The following TMEM67 variants were observed in gnomAD, a reference collection of about 807,000 sequenced individuals.
TMEM67 encodes the protein transmembrane protein 67, also known as meckelin.
Under a neutral mutation model 136.6 loss-of-function variants are expected in TMEM67, and 124 were observed. That is an observed-to-expected ratio of 0.91 (90% CI 0.78 to 1.05). The LOEUF (loss-of-function observed/expected upper bound fraction) is 1.05, where lower values mean the gene tolerates loss of function less well. Ranked by LOEUF, TMEM67 falls within the 50% of genes least tolerant of loss-of-function variation. The pLI is 0.00. For synonymous variants in TMEM67, 364 were observed against 390.5 expected, an observed-to-expected ratio of 0.93 and a Z score of 0.80; for missense variants, 1,107 against 1,178.4, an observed-to-expected ratio of 0.94 and a Z score of 0.89.
At chr8:93,811,158 C>T (rs1808683430) in intron 26 of TMEM67, 1 of 152,152 alleles carries the variant, frequency 6.6e-6, no homozygotes, top group South Asian at 2.1e-4. Context: ...GGTGGTACTG[C>T]CACAGAAGTC....
chr8:93,758,524 T>C lies in TMEM67; in HGVS notation c.354T>C (p.Pro118=). The change falls in exon 3 of 28, where the codon CCT becomes CCC. Residue 118 remains proline, a synonymous_variant. Transcript: ENST00000453321. ...ATGGCTGGAACTGCATTTCTTGCCCTAGTGACTTAACTGCCGAAGGAAAAT... is the reference window on the plus strand; with the variant it reads ...ATGGCTGGAACTGCATTTCTTGCCCCAGTGACTTAACTGCCGAAGGAAAAT... The part of the protein sequence containing the change: ...TEDGWNCISC[P]SDLTAEGKCH... 1 of 1,614,076 alleles carries C rather than the reference T, an allele frequency of 6.2e-7. No homozygotes were observed. Among genetic ancestry groups the C allele is most frequent in the African/African-American group, 1.3e-5 (1 of 75,068 alleles).
chr8:93,757,917 C>T (rs540793637), intron 2 of TMEM67, among the ~76,000 whole-genome samples: 27 of 152,120 alleles, frequency 1.8e-4, no homozygotes, highest in African/African-American at 6.0e-4. Context: ...CCACCACGCC[C>T]AGCTAATTTT....
At chr8:93,808,387 A>T (rs1055557124) in intron 23 of TMEM67, among the ~76,000 whole-genome samples, 1 of 93,118 alleles carries the variant, frequency 1.1e-5, no homozygotes, top group African/African-American at 3.7e-5. Flanking sequence ...AAATATTTAT[A>T]TATTATATAT....
intron 6 of TMEM67, among the ~76,000 whole-genome samples, chr8:93,772,279 C>T (rs1046188217): frequency 1.3e-5 from 2 of 152,132 alleles, no homozygotes; most frequent in Admixed American, 1.3e-4. Flanking sequence ...ATTAACCACT[C>T]AATACTAAGT....
At chr8:93,826,123 CTTTTT>C in the TMEM67 span, among the ~76,000 whole-genome samples, 5 of 52,370 alleles carry the variant, frequency 9.5e-5, no homozygotes, top group African/African-American at 2.9e-4. Flanking sequence ...TTAATCATGT[CTTTTT>C]TTTTTTTTTT....
At position 93,785,308 on chromosome 8, in the gene TMEM67, A is replaced by G; in HGVS notation, c.1218A>G (p.Gln406=). The change falls in exon 12 of 28, where the codon CAA becomes CAG. Residue 406 remains glutamine, a synonymous_variant. Transcript: ENST00000453321. ...DVYLEYTDEN[Q]HQYILAVPVL... The stretch of plus-strand genomic sequence containing the variant: ...ACCTTGAATATACTGATGAAAATCA[A>G]CATCAATATATTTTGGCTGTGCCTG... The G allele has an allele frequency of 6.2e-7, 1 of 1,601,284 alleles. No homozygotes were observed. Among genetic ancestry groups the G allele is most frequent in the Non-Finnish European group, 8.6e-7 (1 of 1,168,982 alleles).
chr8:93,825,926 G>C, the TMEM67 span, among the ~76,000 whole-genome samples: 4 of 152,098 alleles, frequency 2.6e-5, no homozygotes, highest in African/African-American at 9.7e-5. Flanking sequence ...CAACATCGAA[G>C]GAGGCTGCCT....
intron 12 of TMEM67, 84 bp from the exon 13 acceptor site, chr8:93,786,139 T>C: frequency 7.4e-7 from 1 of 1,348,628 alleles, no homozygotes. Flanking sequence ...CTTATACTAG[T>C]AGCTTTTTGC....
intron 14 of TMEM67, among the ~76,000 whole-genome samples, chr8:93,790,700 T>C (rs1422325047): frequency 2.0e-5 from 3 of 152,220 alleles, no homozygotes; most frequent in Admixed American, 2.0e-4. Flanking sequence ...TGGCTTTCTT[T>C]ACCTTGACAT....
chr8:93,811,656 T>C (rs1357283440), intron 26 of TMEM67, among the ~76,000 whole-genome samples: 1 of 152,148 alleles, frequency 6.6e-6, no homozygotes, highest in African/African-American at 2.4e-5. Flanking sequence ...AATCTATTTT[T>C]AAGTTTATAT....
In TMEM67 at chr8:93,756,020, C is replaced by G. The variant is rs181257777; in HGVS notation, c.312+154C>G. ...TTTACTAGAGTAAGTTTTGGGAGAT[C>G]AGCGAAATTTCATGCAAACTTGGAG... On this transcript the variant is annotated intron_variant, in intron 2 of 27. Coordinates refer to ENST00000453321, the MANE Select transcript of TMEM67 (RefSeq NM_153704.6). The G allele has an allele frequency of 3.5e-3, 1,694 of 489,976 alleles. 10 individuals carry two copies. Among genetic ancestry groups the G allele is most frequent in the Non-Finnish European group, 2.5e-3 (699 of 278,032 alleles). The allele number at this position is 489,976 out of a possible 1,614,324, so 30.4% of individuals were successfully genotyped here.
intron 2 of TMEM67, 82 bp from the exon 3 acceptor site, chr8:93,758,401 T>G: frequency 9.6e-7 from 1 of 1,040,528 alleles, no homozygotes; most frequent in Middle Eastern, 2.5e-4. Context: ...AGTTACATAC[T>G]CTTATGGCAT....
chr8:93,797,508 G>T (rs1380515436), intron 20 of TMEM67, 38 bp downstream of exon 20: 3 of 1,583,116 alleles, frequency 1.9e-6, no homozygotes. Flanking sequence ...CGACTTACAT[G>T]TACCTTATAA....
At chr8:93,826,177 C>T in the TMEM67 span, among the ~76,000 whole-genome samples, 26 of 135,534 alleles carry the variant, frequency 1.9e-4, no homozygotes, top group Admixed American at 8.4e-5. Flanking sequence ...TCACCCAGGC[C>T]GGACTGCAGT....
At chr8:93,763,054 C>G (rs997209044) in intron 3 of TMEM67, 1 of 277,600 alleles carries the variant, frequency 3.6e-6, no homozygotes, top group Non-Finnish European at 7.5e-6. Flanking sequence ...ACTTGAGTAG[C>G]TGGGATTACA....
intron 6 of TMEM67, among the ~76,000 whole-genome samples, chr8:93,767,689 G>A (rs1299815467): frequency 6.7e-6 from 1 of 149,046 alleles, no homozygotes; most frequent in Non-Finnish European, 1.5e-5. Flanking sequence ...TCCTATATCT[G>A]GCCAATAAAA....
At chr8:93,791,016 G>A (rs183315667) in intron 14 of TMEM67, among the ~76,000 whole-genome samples, 4 of 152,286 alleles carry the variant, frequency 2.6e-5, no homozygotes, top group Admixed American at 2.6e-4. Context: ...ATTAGTTTGT[G>A]CATGAATTTA....
Position 93,796,130 on chromosome 8 carries a change from A to G in TMEM67, c.1860+143A>G. On this transcript the variant is annotated intron_variant, in intron 18 of 27. Transcript: ENST00000453321. Reference sequence around the variant, plus strand: ...AAGCATTAATTATTTTATGTGGTAAATTTACTTTTATTTATAGTAGATGCT... The same window carrying G: ...AAGCATTAATTATTTTATGTGGTAAGTTTACTTTTATTTATAGTAGATGCT... 3 of 654,952 alleles carry G rather than the reference A, an allele frequency of 4.6e-6. No homozygotes were observed. The South Asian group carries it at 5.4e-5, about 12-fold the overall frequency. 40.6% of individuals were successfully genotyped at this position (654,952 alleles called of 1,614,324 possible).
At position 93,797,245 on chromosome 8, in the gene TMEM67, A is replaced by T; in HGVS notation, c.1960+12A>T. ...TAAAGCTGTTGAAGGTAACTGAAAT[A>T]AAAAATATTTGTACCAAAATTCTTT... On this transcript the variant is annotated intron_variant, in intron 19 of 27. Coordinates refer to ENST00000453321, the MANE Select transcript of TMEM67 (RefSeq NM_153704.6). 1 of 1,611,834 alleles carries T rather than the reference A, an allele frequency of 6.2e-7. No individual in the cohort carries two copies. Among genetic ancestry groups the T allele is most frequent in the Non-Finnish European group, 8.5e-7 (1 of 1,177,888 alleles).
Sources: gnomAD v4.1 joint callset for allele counts (sites outside exome capture counted in the v4.1 genomes callset) on GRCh38, gnomAD v4.1.1 for gene constraint, MANE v1.5 for transcripts, NCBI Gene and HGNC (gene_info 2026-07-23, HGNC 2026-07-21) for gene names.